Variants in ABHD17B observed in about 807,000 individuals in gnomAD.
The protein encoded by ABHD17B is abhydrolase domain containing 17B, depalmitoylase.
A neutral mutation model predicts 26.2 loss-of-function variants in ABHD17B; 9 were observed. The ratio of observed to expected loss-of-function variants is 0.34; its 90% CI spans 0.21 to 0.60. The LOEUF (loss-of-function observed/expected upper bound fraction) is 0.60, where lower values mean the gene tolerates loss of function less well. Among genes scored for constraint, ABHD17B ranks in the 20% least tolerant of loss-of-function variants. The pLI is 0.80. For missense variants in ABHD17B, 224 were observed against 352.1 expected, an observed-to-expected ratio of 0.64 and a Z score of 2.91; for synonymous variants, 127 against 122.3, an observed-to-expected ratio of 1.04 and a Z score of -0.25.
Position 71,911,170 on chromosome 9 carries a change from T to A in ABHD17B, c.-540A>T, listed in dbSNP as rs879799912. Among the ~76,000 whole-genome samples the A allele has an allele frequency of 5.9e-5, 9 of 151,912 alleles. No homozygotes were observed. Among genetic ancestry groups the A allele is most frequent in the Non-Finnish European group, 1.3e-4 (9 of 67,944 alleles). ...CGGAGGGGACGAGCACAATCCCCAC[T>A]GAGCCAGGAGTTGGCCACTGACTGG... On this transcript the variant is annotated 5_prime_UTR_variant, in exon 1 of 4. Coordinates refer to ENST00000333421, the MANE Select transcript of ABHD17B (RefSeq NM_001025780.3).
chr9:71,873,587 G>A (rs1437125647), intron 2 of ABHD17B, among the ~76,000 whole-genome samples: 2 of 152,080 alleles, frequency 1.3e-5, no homozygotes, highest in Admixed American at 1.3e-4. Flanking sequence ...TAGTAGAGAC[G>A]GGGTTTCACC....
At chr9:71,882,623 A>G (rs1220612154) in intron 1 of ABHD17B, among the ~76,000 whole-genome samples, 1 of 151,278 alleles carries the variant, frequency 6.6e-6, no homozygotes, top group African/African-American at 2.4e-5. Context: ...GCGCCACTGC[A>G]CTCCAACCTG....
chr9:71,862,746 CATG>C (rs546732918), downstream of ABHD17B: 207 of 579,184 alleles, frequency 3.6e-4, no homozygotes, highest in African/African-American at 3.7e-3. Flanking sequence ...CCACTATTTA[CATG>C]ATAATTGCTG....
intron 1 of ABHD17B, among the ~76,000 whole-genome samples, chr9:71,876,098 T>C (rs893186641): frequency 2.6e-5 from 4 of 152,220 alleles, no homozygotes; most frequent in Non-Finnish European, 5.9e-5. Context: ...CATGTATGTA[T>C]GTATGTAATT....
chr9:71,901,020 C>T lies in ABHD17B; in HGVS notation c.-4+9614G>A, dbSNP rs538809031. On this transcript the variant is annotated intron_variant, in intron 1 of 3. Transcript: ENST00000333421. Reference sequence around the variant, plus strand: ...ACAAAAAATTAGCCGGGCATGGTAGCGGGCGCCTGTAGTCCCAGCTACTCA... The same window carrying T: ...ACAAAAAATTAGCCGGGCATGGTAGTGGGCGCCTGTAGTCCCAGCTACTCA... Among the ~76,000 whole-genome samples the T allele has an allele frequency of 1.6e-4, 24 of 152,120 alleles. 1 individual carries two copies. In the South Asian group the frequency reaches 5.0e-3, roughly 32 times the overall value.
At chr9:71,868,593 A>G (rs1050821916) in intron 3 of ABHD17B, among the ~76,000 whole-genome samples, 2 of 152,250 alleles carry the variant, frequency 1.3e-5, no homozygotes, top group African/African-American at 4.8e-5. Context: ...AAGAATAAAT[A>G]CTTGGGTTTA....
chr9:71,910,546 G>A, intron 1 of ABHD17B, 88 bp downstream of exon 1: 1 of 150,842 alleles, frequency 6.6e-6, no homozygotes, highest in East Asian at 2.0e-4. Flanking sequence ...GCCGGCCCGG[G>A]CTCGTCCCTC....
chr9:71,905,634 G>A (rs947913783), intron 1 of ABHD17B, among the ~76,000 whole-genome samples: 2 of 152,084 alleles, frequency 1.3e-5, no homozygotes, highest in East Asian at 3.9e-4. Flanking sequence ...TATAAACCAG[G>A]GCAATCTTTC....
Position 71,865,599 on chromosome 9 carries a change from C to G in ABHD17B, c.*1188G>C. On this transcript the variant is annotated 3_prime_UTR_variant, in exon 4 of 4. Transcript: ENST00000333421. ...AGCTAAAGTGGGCCAGGCGCAGTGG[C>G]TCATGCCTGTAATTCCGACACTTTG... 1.0e-6 allele frequency: 1 copy of G among 983,142 alleles called. No individual in the cohort carries two copies. 60.9% of individuals were successfully genotyped at this position (983,142 alleles called of 1,614,324 possible). A position where few individuals can be genotyped will look rare whatever the true frequency, so the allele number is the denominator to read the frequency against.
chr9:71,900,229 C>T (rs1032134327), intron 1 of ABHD17B, among the ~76,000 whole-genome samples: 6 of 152,160 alleles, frequency 3.9e-5, no homozygotes, highest in Non-Finnish European at 7.3e-5. Flanking sequence ...TCAAAATGTG[C>T]GAGTAAACAC....
chr9:71,894,406 CA>C (rs950778358), intron 1 of ABHD17B, among the ~76,000 whole-genome samples: 4 of 152,038 alleles, frequency 2.6e-5, no homozygotes, highest in African/African-American at 9.7e-5. Flanking sequence ...AGTGCAGTGG[CA>C]CCATTTGGGC....
At chr9:71,864,060 C>T (rs140721326), downstream of ABHD17B, among the ~76,000 whole-genome samples, 1,481 of 152,050 alleles carry the variant, frequency 9.7e-3, 27 homozygotes, top group African/African-American at 0.033. Flanking sequence ...TTCCAGCAAG[C>T]GAAAATCTCC....
At chr9:71,877,699 T>A (rs1402286082) in intron 1 of ABHD17B, among the ~76,000 whole-genome samples, 2 of 152,258 alleles carry the variant, frequency 1.3e-5, no homozygotes, top group Non-Finnish European at 2.9e-5. Context: ...ATTACAGGCA[T>A]GAGCCACCGC....
chr9:71,884,932 T>G (rs984686120), intron 1 of ABHD17B, among the ~76,000 whole-genome samples: 4 of 152,146 alleles, frequency 2.6e-5, no homozygotes, highest in African/African-American at 9.7e-5. Context: ...GCAAAAATGT[T>G]TTGTTACTAT....
chr9:71,882,485 C>T (rs912510553), intron 1 of ABHD17B, among the ~76,000 whole-genome samples: 6 of 152,038 alleles, frequency 3.9e-5, no homozygotes, highest in Non-Finnish European at 7.4e-5. Context: ...ATGGTGAAAC[C>T]CCGCCTCTAC....
chr9:71,903,275 C>T (rs1292347204), intron 1 of ABHD17B, among the ~76,000 whole-genome samples: 3 of 151,924 alleles, frequency 2.0e-5, no homozygotes, highest in Non-Finnish European at 4.4e-5. Context: ...TCACCTCAGA[C>T]ACTATAAGAA....
chr9:71,891,429 T>A (rs1017835255), intron 1 of ABHD17B, among the ~76,000 whole-genome samples: 7 of 152,234 alleles, frequency 4.6e-5, no homozygotes, highest in Non-Finnish European at 8.8e-5. Context: ...CATGTGGAAT[T>A]CCTTTTTAGG....
At chr9:71,867,441 G>A (rs1334730425) in intron 3 of ABHD17B, among the ~76,000 whole-genome samples, 1 of 152,160 alleles carries the variant, frequency 6.6e-6, no homozygotes, top group African/African-American at 2.4e-5. Flanking sequence ...GTTCTTGTTT[G>A]AGGATAAAGA....
At chr9:71,875,734 C>T (rs1341146497) in intron 1 of ABHD17B, among the ~76,000 whole-genome samples, 2 of 152,130 alleles carry the variant, frequency 1.3e-5, no homozygotes, top group Non-Finnish European at 2.9e-5. Flanking sequence ...TCTGTAATTT[C>T]TATGTAACTC....
Sources: allele counts gnomAD v4.1 joint callset (sites outside exome capture counted in the v4.1 genomes callset), GRCh38; gene constraint gnomAD v4.1.1; transcripts MANE v1.5; gene names NCBI Gene and HGNC (gene_info 2026-07-23, HGNC 2026-07-21).